Variants in SPAG16 observed in about 807,000 individuals in gnomAD.
The protein encoded by SPAG16 is sperm associated antigen 16.
Under a neutral mutation model 80.4 loss-of-function variants are expected in SPAG16, and 86 were observed. The ratio of observed to expected loss-of-function variants is 1.07; its 90% CI spans 0.90 to 1.28. The LOEUF (loss-of-function observed/expected upper bound fraction) is 1.28, where lower values mean the gene tolerates loss of function less well. Ranked by LOEUF, SPAG16 falls within the 50% of genes most tolerant of loss-of-function variation. The probability of loss-of-function intolerance (pLI) is 0.00; values close to 1 mark genes in which losing one functional copy is unlikely to be tolerated. For synonymous variants in SPAG16, 294 were observed against 265.9 expected, an observed-to-expected ratio of 1.11 and a Z score of -1.03; for missense variants, 870 against 765.3, an observed-to-expected ratio of 1.14 and a Z score of -1.61.
chr2:213,515,165 G>GTATA (rs61428891), intron 10 of SPAG16, among the ~76,000 whole-genome samples: 80 of 151,286 alleles, frequency 5.3e-4, no homozygotes, highest in African/African-American at 8.0e-4. Flanking sequence ...TAGTACGTAT[G>GTATA]TATATATATA....
chr2:213,860,225 T>C (rs1323267461), intron 10 of SPAG16, among the ~76,000 whole-genome samples: 3 of 151,874 alleles, frequency 2.0e-5, no homozygotes, highest in Non-Finnish European at 2.9e-5. Flanking sequence ...TATTTATTAA[T>C]ATATTATCAA....
At chr2:214,202,084 T>C (rs781678918) in intron 15 of SPAG16, among the ~76,000 whole-genome samples, 1 of 152,088 alleles carries the variant, frequency 6.6e-6, no homozygotes, top group African/African-American at 2.4e-5. Flanking sequence ...TGGGCTTGAG[T>C]AATCTCCCTG....
chr2:213,386,087 G>A (rs1297876913), intron 9 of SPAG16, among the ~76,000 whole-genome samples: 1 of 152,086 alleles, frequency 6.6e-6, no homozygotes, highest in African/African-American at 2.4e-5. Context: ...TCTTTGAAAT[G>A]TCTTCTAATA....
At position 214,012,286 on chromosome 2, in the gene SPAG16, A is replaced by ATTTTTT. The variant is rs1162955315; in HGVS notation, c.1401-1664_1401-1663insTTTTTT. Among the ~76,000 whole-genome samples, 175 of 54,914 alleles carry ATTTTTT rather than the reference A, an allele frequency of 3.2e-3. 1 individual carries two copies. The highest frequency in any genetic ancestry group is 0.02 in the South Asian group (14 of 686). The allele number at this position is 54,914 out of a possible 152,430, so 36.0% of individuals were successfully genotyped here. A position where few individuals can be genotyped will look rare whatever the true frequency, so the allele number is the denominator to read the frequency against. ...TATATATATATATATATATATATAT[A>ATTTTTT]TATTTTTTTTTTTTTTTTTTTTTCC... On this transcript the variant is annotated intron_variant, in intron 12 of 15. Coordinates refer to ENST00000331683, the MANE Select transcript of SPAG16 (RefSeq NM_024532.5).
chr2:213,879,273 A>G lies in SPAG16; in HGVS notation c.1214+16645A>G, dbSNP rs543668008. ...TCATTGATATTCATTCTTCCAATTC[A>G]TGCGCATGAGATGGTTTTCCATTTG... On this transcript the variant is annotated intron_variant, in intron 11 of 15. Transcript: ENST00000331683. 7.9e-5 allele frequency among the ~76,000 whole-genome samples: 12 copies of G among 152,010 alleles called. No homozygotes were observed. The East Asian group carries it at 2.3e-3, about 29-fold the overall frequency.
At chr2:213,508,824 G>A (rs541960038) in intron 10 of SPAG16, among the ~76,000 whole-genome samples, 3 of 151,902 alleles carry the variant, frequency 2.0e-5, no homozygotes, top group South Asian at 4.2e-4. Context: ...GTTAAATGAC[G>A]AGTTACTGGG....
At chr2:213,372,885 A>G (rs968295840) in intron 8 of SPAG16, among the ~76,000 whole-genome samples, 1 of 152,172 alleles carries the variant, frequency 6.6e-6, no homozygotes, top group African/African-American at 2.4e-5. Context: ...TCTGATATTT[A>G]TCCAAGAGCC....
chr2:213,286,967 C>T (rs2062077473), intron 1 of SPAG16, among the ~76,000 whole-genome samples: 2 of 152,202 alleles, frequency 1.3e-5, no homozygotes, highest in African/African-American at 4.8e-5. Flanking sequence ...TCTTACCCTG[C>T]AACACCCTTT....
chr2:213,422,029 C>T (rs1036319925), intron 9 of SPAG16: 5 of 582,820 alleles, frequency 8.6e-6, no homozygotes, highest in Non-Finnish European at 1.5e-5. Flanking sequence ...TTTCATGTAC[C>T]TCATTCTTCC....
At chr2:213,370,476 G>A (rs2125171436) in intron 8 of SPAG16, among the ~76,000 whole-genome samples, 1 of 152,104 alleles carries the variant, frequency 6.6e-6, no homozygotes, top group Middle Eastern at 3.4e-3. Context: ...ATTAAGATAA[G>A]AAGAATGTAA....
At chr2:213,529,462 T>A (rs2075997139) in intron 10 of SPAG16, among the ~76,000 whole-genome samples, 1 of 152,208 alleles carries the variant, frequency 6.6e-6, no homozygotes, top group Non-Finnish European at 1.5e-5. Context: ...GTGAGCCAGC[T>A]CTAGCACACT....
intron 15 of SPAG16, among the ~76,000 whole-genome samples, chr2:214,310,815 A>C (rs1043115627): frequency 6.6e-6 from 1 of 152,158 alleles, no homozygotes; most frequent in Non-Finnish European, 1.5e-5. Context: ...TACTGATGAA[A>C]TGACCTTTCA....
chr2:213,502,822 T>C (rs901295032), intron 10 of SPAG16, among the ~76,000 whole-genome samples: 1 of 152,196 alleles, frequency 6.6e-6, no homozygotes, highest in African/African-American at 2.4e-5. Context: ...ATCAACTTCT[T>C]TGGGAAAGAA....
At position 213,889,177 on chromosome 2, in the gene SPAG16, G is replaced by A. The variant is rs2106068098; in HGVS notation, c.1214+26549G>A. Among the ~76,000 whole-genome samples the A allele has an allele frequency of 2.6e-5, 4 of 151,892 alleles. No homozygotes were observed. The South Asian group carries it at 8.3e-4, about 32-fold the overall frequency. On this transcript the variant is annotated intron_variant, in intron 11 of 15. Transcript: ENST00000331683. Reference sequence around the variant, plus strand: ...ACTTTAAGAAGATAGAAAGCCATCTGCATCCAAAATATAAATTAAAATTAT... The same window carrying A: ...ACTTTAAGAAGATAGAAAGCCATCTACATCCAAAATATAAATTAAAATTAT...
chr2:214,062,719 A>G (rs962970013), intron 13 of SPAG16, among the ~76,000 whole-genome samples: 6 of 140,440 alleles, frequency 4.3e-5, no homozygotes, highest in Admixed American at 1.5e-4. Context: ...TAATCTCGAC[A>G]TGGTAAAACA....
intron 13 of SPAG16, among the ~76,000 whole-genome samples, chr2:214,097,757 A>G (rs2052701644): frequency 6.6e-6 from 1 of 152,022 alleles, no homozygotes; most frequent in Non-Finnish European, 1.5e-5. Context: ...TTATGAAGTG[A>G]TAAAGACGGT....
At chr2:213,458,768 G>C (rs1242975337) in intron 9 of SPAG16, among the ~76,000 whole-genome samples, 2 of 152,098 alleles carry the variant, frequency 1.3e-5, no homozygotes, top group Admixed American at 1.3e-4. Context: ...CTATTGAGAA[G>C]TTGTCTGTCA....
intron 14 of SPAG16, among the ~76,000 whole-genome samples, chr2:214,129,298 T>C (rs1206630927): frequency 6.6e-6 from 1 of 152,192 alleles, no homozygotes; most frequent in Admixed American, 6.5e-5. Context: ...CCTTGTGTTA[T>C]GGGATAGAAA....
At chr2:214,179,964 G>A (rs1231631877) in intron 15 of SPAG16, among the ~76,000 whole-genome samples, 1 of 151,478 alleles carries the variant, frequency 6.6e-6, no homozygotes, top group Admixed American at 6.6e-5. Flanking sequence ...TTCTGGGTTA[G>A]CAGTTATTCA....
Sources: gnomAD v4.1 joint callset for allele counts (sites outside exome capture counted in the v4.1 genomes callset) on GRCh38, gnomAD v4.1.1 for gene constraint, MANE v1.5 for transcripts, NCBI Gene and HGNC (gene_info 2026-07-23, HGNC 2026-07-21) for gene names.